The following DGKB variants were observed in gnomAD, a reference collection of about 807,000 sequenced individuals.
The protein encoded by DGKB is diacylglycerol kinase beta, also known as 90 kDa diacylglycerol kinase.
In DGKB, 67 loss-of-function variants were observed where a neutral mutation model predicts 114.3. That is an observed-to-expected ratio of 0.59 (90% CI 0.48 to 0.72). The LOEUF (loss-of-function observed/expected upper bound fraction) is 0.72, where lower values mean the gene tolerates loss of function less well. Ranked by LOEUF, DGKB falls within the 30% of genes least tolerant of loss-of-function variation. DGKB has a pLI of 0.00. For synonymous variants in DGKB, 398 were observed against 323.1 expected (o/e 1.23, Z -2.49); for missense variants, 907 against 975.2 (o/e 0.93, Z 0.93).
intron 20 of DGKB, among the ~76,000 whole-genome samples, chr7:14,520,179 A>T (rs1584533695): frequency 6.8e-6 from 1 of 146,550 alleles, no homozygotes; most frequent in African/African-American, 2.5e-5. Context: ...TTTAGAACTT[A>T]TTAGTATTAT....
At chr7:14,510,608 A>G (rs1787841236) in intron 20 of DGKB, among the ~76,000 whole-genome samples, 1 of 152,138 alleles carries the variant, frequency 6.6e-6, no homozygotes, top group Admixed American at 6.5e-5. Flanking sequence ...AACTCCTGTT[A>G]CTGTCAGTAT....
chr7:14,172,822 C>T (rs1000141385), intron 25 of DGKB, among the ~76,000 whole-genome samples: 1 of 152,150 alleles, frequency 6.6e-6, no homozygotes, highest in South Asian at 2.1e-4. Flanking sequence ...TAGTCTATGT[C>T]CTCTCCTATC....
At chr7:14,926,700 AG>A in intron 1 of DGKB, among the ~76,000 whole-genome samples, 1 of 151,854 alleles carries the variant, frequency 6.6e-6, no homozygotes, top group East Asian at 1.9e-4. Flanking sequence ...ATTTAACATA[AG>A]TATTTTATAT....
chr7:14,465,677 A>G (rs1485428810), intron 21 of DGKB, among the ~76,000 whole-genome samples: 1 of 152,146 alleles, frequency 6.6e-6, no homozygotes, highest in Admixed American at 6.6e-5. Context: ...AAATTTTCCT[A>G]AAGTCACACA....
chr7:14,427,105 G>A (rs1245050416), intron 21 of DGKB, among the ~76,000 whole-genome samples: 1 of 151,894 alleles, frequency 6.6e-6, no homozygotes, highest in Non-Finnish European at 1.5e-5. Context: ...GGGAGTGGGG[G>A]GTGGGAGAGC....
chr7:14,958,314 A>G (rs1786631900), intron 1 of DGKB, among the ~76,000 whole-genome samples: 1 of 151,906 alleles, frequency 6.6e-6, no homozygotes, highest in Admixed American at 6.6e-5. Context: ...ATCTGCATAC[A>G]ACGCAATGGT....
intron 1 of DGKB, among the ~76,000 whole-genome samples, chr7:14,854,171 T>C (rs981415197): frequency 1.3e-5 from 2 of 152,204 alleles, no homozygotes; most frequent in African/African-American, 4.8e-5. Flanking sequence ...GTATATAATT[T>C]AGCCATACAC....
intron 15 of DGKB, among the ~76,000 whole-genome samples, chr7:14,619,642 G>A (rs1807231297): frequency 6.6e-6 from 1 of 151,646 alleles, no homozygotes; most frequent in South Asian, 2.1e-4. Context: ...AAAATTTTAA[G>A]CAAAGAGACA....
At chr7:14,484,167 CA>C (rs1480420089) in intron 20 of DGKB, among the ~76,000 whole-genome samples, 1 of 151,740 alleles carries the variant, frequency 6.6e-6, no homozygotes, top group Non-Finnish European at 1.5e-5. Context: ...TATAACTTAG[CA>C]AAAAGGCATA....
intron 20 of DGKB, among the ~76,000 whole-genome samples, chr7:14,513,357 T>A (rs1178144851): frequency 6.6e-6 from 1 of 152,030 alleles, no homozygotes; most frequent in African/African-American, 2.4e-5. Context: ...CATATTTATG[T>A]AAACAGCTTA....
chr7:14,372,409 TG>T (rs1196458848), intron 21 of DGKB, among the ~76,000 whole-genome samples: 1 of 152,082 alleles, frequency 6.6e-6, no homozygotes, highest in Non-Finnish European at 1.5e-5. Flanking sequence ...GAGTGCGTAG[TG>T]GGGGGAACTA....
intron 20 of DGKB, among the ~76,000 whole-genome samples, chr7:14,560,636 C>A (rs1303961015): frequency 6.6e-6 from 1 of 152,166 alleles, no homozygotes; most frequent in Non-Finnish European, 1.5e-5. Context: ...GCTTCTATAT[C>A]TTGGCTATAG....
chr7:14,898,563 T>C (rs1475730169), intron 1 of DGKB, among the ~76,000 whole-genome samples: 2 of 152,094 alleles, frequency 1.3e-5, no homozygotes, highest in African/African-American at 4.8e-5. Flanking sequence ...CAATGAAAGT[T>C]ACTATCATTA....
At chr7:14,701,782 T>C (rs1355559139) in intron 6 of DGKB, 52 bp from the exon 7 acceptor site, 2 of 1,261,320 alleles carry the variant, frequency 1.6e-6, no homozygotes, top group African/African-American at 2.9e-5. Flanking sequence ...AAGATCAATG[T>C]TAGTTTAAAG....
rs565125356 is a variant in DGKB at position 14,313,314 on chromosome 7, C to G, written c.2122+25201G>C. On this transcript the variant is annotated intron_variant, in intron 23 of 25. Transcript: ENST00000402815. ...ACAGCTCCGGTCTACAGCTCCCAGC[C>G]TGAGCGACGCAGAAGACGGGTGATT... is the stretch of plus-strand genomic sequence containing the variant. Among the ~76,000 whole-genome samples, 478 of 152,180 alleles carry G rather than the reference C, an allele frequency of 3.1e-3. 4 individuals are homozygous for G. Among genetic ancestry groups the G allele is most frequent in the African/African-American group, 0.011 (459 of 41,496 alleles).
At chr7:14,311,015 C>T (rs886396432) in intron 23 of DGKB, among the ~76,000 whole-genome samples, 4 of 151,964 alleles carry the variant, frequency 2.6e-5, no homozygotes, top group Admixed American at 2.6e-4. Context: ...GCAGTTCCAG[C>T]TACTTAGGAG....
chr7:14,747,352 C>G (rs192096812), intron 4 of DGKB, among the ~76,000 whole-genome samples: 1 of 138,620 alleles, frequency 7.2e-6, no homozygotes, highest in African/African-American at 3.2e-5. Flanking sequence ...GCCACCATGC[C>G]TGGCTAATAG....
At chr7:14,915,030 G>A (rs1341447125) in intron 1 of DGKB, among the ~76,000 whole-genome samples, 1 of 151,968 alleles carries the variant, frequency 6.6e-6, no homozygotes. Flanking sequence ...AAGAATTATG[G>A]GACAATTACA....
intron 22 of DGKB, among the ~76,000 whole-genome samples, chr7:14,344,043 T>G (rs571099000): frequency 4.7e-5 from 7 of 148,728 alleles, no homozygotes; most frequent in African/African-American, 1.7e-4. Flanking sequence ...ATACAATTAT[T>G]ATATAGATAT....
Sources: gnomAD v4.1 joint callset for allele counts (sites outside exome capture counted in the v4.1 genomes callset) on GRCh38, gnomAD v4.1.1 for gene constraint, MANE v1.5 for transcripts, NCBI Gene and HGNC (gene_info 2026-07-23, HGNC 2026-07-21) for gene names.